The following AGBL4 variants were observed in gnomAD, a reference collection of about 807,000 sequenced individuals.
AGBL4 encodes cytosolic carboxypeptidase 6.
Under a neutral mutation model 66.4 loss-of-function variants are expected in AGBL4, and 58 were observed. That is an observed-to-expected ratio of 0.87 (90% CI 0.71 to 1.09). The LOEUF (loss-of-function observed/expected upper bound fraction) is 1.09. Ranked by LOEUF, AGBL4 falls within the 50% of genes least tolerant of loss-of-function variation. The probability of loss-of-function intolerance (pLI) is 0.00; values close to 1 mark genes in which losing one functional copy is unlikely to be tolerated. For missense variants in AGBL4, 579 were observed against 631.0 expected, an observed-to-expected ratio of 0.92 and a Z score of 0.88; for synonymous variants, 234 against 222.9, an observed-to-expected ratio of 1.05 and a Z score of -0.44.
intron 4 of AGBL4, among the ~76,000 whole-genome samples, chr1:49,060,201 G>C (rs1315471880): frequency 6.6e-6 from 1 of 152,112 alleles, no homozygotes. Flanking sequence ...TGAATCATGA[G>C]GGTGGTTACC....
chr1:48,710,624 G>A (rs909268991), intron 6 of AGBL4, among the ~76,000 whole-genome samples: 1 of 152,142 alleles, frequency 6.6e-6, no homozygotes, highest in African/African-American at 2.4e-5. Flanking sequence ...GGATTTAAGG[G>A]TCCTTGTTAG....
chr1:49,583,850 C>T (rs1006087904), intron 3 of AGBL4, among the ~76,000 whole-genome samples: 3 of 152,150 alleles, frequency 2.0e-5, no homozygotes, highest in Admixed American at 6.5e-5. Flanking sequence ...GAATCCTAAC[C>T]GTAGAGTGGA....
intron 5 of AGBL4, among the ~76,000 whole-genome samples, chr1:48,916,547 GAC>G (rs141195869): frequency 7.3e-4 from 110 of 149,870 alleles, no homozygotes; most frequent in Middle Eastern, 7.0e-3. Context: ...GTGTGTGTGT[GAC>G]ACACACACAC....
chr1:49,869,737 T>C (rs1646793553), intron 1 of AGBL4, among the ~76,000 whole-genome samples: 1 of 152,150 alleles, frequency 6.6e-6, no homozygotes, highest in Non-Finnish European at 1.5e-5. Context: ...TCTTCACATG[T>C]ATCTTGGAAC....
At chr1:49,740,919 A>T (rs1270214697) in intron 2 of AGBL4, among the ~76,000 whole-genome samples, 1 of 152,238 alleles carries the variant, frequency 6.6e-6, no homozygotes, top group Non-Finnish European at 1.5e-5. Context: ...AGAGAAATTT[A>T]TAGCACTAAA....
In AGBL4 at chr1:49,851,519, C is replaced by T. The variant is rs1557513217; in HGVS notation, c.35-1G>A. 1 of 1,542,840 alleles carries T rather than the reference C, an allele frequency of 6.5e-7. No individual in the cohort carries two copies. Among genetic ancestry groups the T allele is most frequent in the East Asian group, 2.5e-5 (1 of 40,724 alleles). ...GCATCATCATTTCCCATATCATTGC[C>T]TATTTAAAAAAATTGAAATAAAAGT... On this transcript the variant is annotated splice_acceptor_variant, in intron 1 of 13. Transcript: ENST00000371839. LOFTEE classifies it high-confidence loss of function.
chr1:49,900,948 G>A (rs1222019416), intron 1 of AGBL4, among the ~76,000 whole-genome samples: 1 of 152,154 alleles, frequency 6.6e-6, no homozygotes, highest in African/African-American at 2.4e-5. Flanking sequence ...TGCCACTGCT[G>A]CTATTGTTTT....
At chr1:49,992,188 G>A (rs1357847101) in intron 1 of AGBL4, among the ~76,000 whole-genome samples, 1 of 151,928 alleles carries the variant, frequency 6.6e-6, no homozygotes, top group Admixed American at 6.6e-5. Flanking sequence ...TGGCTAACAC[G>A]GTGAAACCCC....
intron 1 of AGBL4, among the ~76,000 whole-genome samples, chr1:49,919,696 T>C (rs1455757950): frequency 6.6e-6 from 1 of 152,026 alleles, no homozygotes; most frequent in Non-Finnish European, 1.5e-5. Context: ...GCCATCCCCA[T>C]CAAGCTACCA....
chr1:49,177,344 C>G (rs1329315063), intron 4 of AGBL4, among the ~76,000 whole-genome samples: 1 of 152,178 alleles, frequency 6.6e-6, no homozygotes, highest in African/African-American at 2.4e-5. Flanking sequence ...ATTTTCCTTA[C>G]CATCTAATCA....
chr1:49,207,448 TTC>T (rs1648247358), intron 4 of AGBL4, among the ~76,000 whole-genome samples: 1 of 14,604 alleles, frequency 6.8e-5, no homozygotes, highest in African/African-American at 2.2e-4. Context: ...TTCTTTTTCT[TTC>T]TTTCTTTTTC....
At chr1:49,866,079 A>T (rs529193286) in intron 1 of AGBL4, 3 of 198,772 alleles carry the variant, frequency 1.5e-5, no homozygotes, top group African/African-American at 6.8e-5. Flanking sequence ...AAAAAGAAAC[A>T]AGCAAAACTC....
chr1:49,819,529 T>C (rs1026198125), intron 2 of AGBL4, among the ~76,000 whole-genome samples: 2 of 152,154 alleles, frequency 1.3e-5, no homozygotes, highest in Non-Finnish European at 2.9e-5. Flanking sequence ...AGATAATAAG[T>C]GTCAGGTCTT....
chr1:49,542,896 CAAAAA>C (rs35734647), intron 3 of AGBL4, among the ~76,000 whole-genome samples: 9 of 22,890 alleles, frequency 3.9e-4, no homozygotes, highest in African/African-American at 1.0e-3. Context: ...AAGACTCCAT[CAAAAA>C]AAAAAAAAAA....
intron 2 of AGBL4, among the ~76,000 whole-genome samples, chr1:49,711,785 G>C (rs1044598082): frequency 1.3e-5 from 2 of 151,882 alleles, no homozygotes; most frequent in Non-Finnish European, 2.9e-5. Context: ...ATTTTCCCTT[G>C]GAATGTCCCA....
At chr1:49,192,278 T>G (rs1271293332) in intron 4 of AGBL4, among the ~76,000 whole-genome samples, 4 of 152,188 alleles carry the variant, frequency 2.6e-5, no homozygotes, top group Admixed American at 2.0e-4. Flanking sequence ...TTTATATACT[T>G]GTATGTCAAC....
At chr1:49,414,366 A>G (rs1183347371) in intron 3 of AGBL4, among the ~76,000 whole-genome samples, 3 of 152,174 alleles carry the variant, frequency 2.0e-5, no homozygotes, top group Non-Finnish European at 4.4e-5. Flanking sequence ...GTTTAGCTGT[A>G]TTGTTAATCA....
intron 3 of AGBL4, among the ~76,000 whole-genome samples, chr1:49,298,316 A>G (rs1202500608): frequency 1.3e-5 from 2 of 152,110 alleles, no homozygotes; most frequent in Non-Finnish European, 2.9e-5. Flanking sequence ...AGGGCCAAGA[A>G]TTGTTATTCA....
intron 3 of AGBL4, among the ~76,000 whole-genome samples, chr1:49,333,347 G>A (rs1329154703): frequency 2.0e-5 from 3 of 152,070 alleles, no homozygotes; most frequent in South Asian, 2.1e-4. Context: ...GCGTGGTGGC[G>A]CATGCCTGTA....
Sources: gnomAD v4.1 joint callset for allele counts (sites outside exome capture counted in the v4.1 genomes callset) on GRCh38, gnomAD v4.1.1 for gene constraint, MANE v1.5 for transcripts, NCBI Gene and HGNC (gene_info 2026-07-23, HGNC 2026-07-21) for gene names.